The following CEP76 variants were observed in gnomAD, a reference collection of about 807,000 sequenced individuals.
The protein encoded by CEP76 is centrosomal protein 76, also known as centrosomal protein of 76 kDa.
A neutral mutation model predicts 83.3 loss-of-function variants in CEP76; 55 were observed. The ratio of observed to expected loss-of-function variants is 0.66; its 90% CI spans 0.53 to 0.83. CEP76 has a LOEUF of 0.83. Ranked by LOEUF, CEP76 falls within the 40% of genes least tolerant of loss-of-function variation. The probability of loss-of-function intolerance (pLI) is 0.00; values close to 1 mark genes in which losing one functional copy is unlikely to be tolerated. For synonymous variants in CEP76, 270 were observed against 274.5 expected (o/e 0.98, Z 0.16); for missense variants, 694 against 799.5 (o/e 0.87, Z 1.59).
Position 12,673,519 on chromosome 18 carries a change from A to G in CEP76, c.1842-16T>C. The G allele has an allele frequency of 2.6e-6, 4 of 1,548,284 alleles. No individual in the cohort carries two copies. Among genetic ancestry groups the G allele is most frequent in the Non-Finnish European group, 3.5e-6 (4 of 1,151,030 alleles). On this transcript the variant is annotated splice_polypyrimidine_tract_variant and intron_variant, in intron 11 of 11. Transcript: ENST00000262127. ...GAAAGGAGATCTATTTAAGAAAAAA[A>G]AAATTATTCAATTAAGAAGTGACCA...
chr18:12,699,826 A>C lies in CEP76; in HGVS notation c.295+4T>G. On this transcript the variant is annotated splice_donor_region_variant and intron_variant, in intron 3 of 11. Coordinates refer to ENST00000262127, the MANE Select transcript of CEP76 (RefSeq NM_024899.4). ...CAACTAAATTAATGTTAAAATATACATACTTTTTTTTAATGTCGATTGTCT... is the reference window on the plus strand; with the variant it reads ...CAACTAAATTAATGTTAAAATATACCTACTTTTTTTTAATGTCGATTGTCT... 1 of 1,505,348 alleles carries C rather than the reference A, an allele frequency of 6.6e-7. No individual in the cohort carries two copies. Among genetic ancestry groups the C allele is most frequent in the Non-Finnish European group, 9.1e-7 (1 of 1,102,930 alleles). 93.2% of individuals were successfully genotyped at this position (1,505,348 alleles called of 1,614,324 possible).
rs757638844 is a variant in CEP76 at position 12,699,074 on chromosome 18, T to TA, written c.424dup (p.Tyr142LeufsTer9). 1.2e-6 allele frequency: 2 copies of TA among 1,614,128 alleles called. No homozygotes were observed. Among genetic ancestry groups the TA allele is most frequent in the Non-Finnish European group, 1.7e-6 (2 of 1,179,974 alleles). On this transcript the variant is annotated frameshift_variant, in exon 4 of 12. Transcript: ENST00000262127. LOFTEE classifies it high-confidence loss of function. ...TTTAGAACGAAAACGTTGGTTTCGA[T>TA]AATGTAAACATAAAGTAAACGTTGA...
At chr18:12,672,529 A>G (rs1294012946), downstream of CEP76, 2 of 335,168 alleles carry the variant, frequency 6.0e-6, no homozygotes, top group South Asian at 1.2e-4. Flanking sequence ...GATTAGTCAC[A>G]TATATGCTGA....
Position 12,674,670 on chromosome 18 carries a change from T to C in CEP76, c.1707A>G (p.Thr569=). The change falls in exon 11 of 12, where the codon ACA becomes ACG. Residue 569 remains threonine, a synonymous_variant. Transcript: ENST00000262127. ...PALASYEFER[T]TSISAGNEEF... is the part of the protein sequence containing the mutation. ...CTTCATTGCCTGCTGATATACTTGT[T>C]GTACGCTCAAATTCATAAGAAGCCA... 2.5e-6 allele frequency: 4 copies of C among 1,614,152 alleles called. No individual in the cohort carries two copies. The Admixed American group carries it at 5.0e-5, about 20-fold the overall frequency.
intron 10 of CEP76, among the ~76,000 whole-genome samples, chr18:12,676,987 G>C (rs1205284415): frequency 6.6e-6 from 1 of 152,152 alleles, no homozygotes; most frequent in Non-Finnish European, 1.5e-5. Context: ...CTAGTCCTTT[G>C]TTGGTGATAT....
At chr18:12,699,551 T>A (rs1281154980) in intron 3 of CEP76, among the ~76,000 whole-genome samples, 1 of 152,200 alleles carries the variant, frequency 6.6e-6, no homozygotes, top group Non-Finnish European at 1.5e-5. Flanking sequence ...CAAGTGTATT[T>A]GTCAATTATA....
chr18:12,673,504 C>G lies in CEP76; in HGVS notation c.1842-1G>C, dbSNP rs1465438734. 1 of 1,568,010 alleles carries G rather than the reference C, an allele frequency of 6.4e-7. No individual in the cohort carries two copies. The highest frequency in any genetic ancestry group is 2.2e-5 in the Admixed American group (1 of 46,262). The stretch of plus-strand genomic sequence containing the variant: ...GATTATTTCTTCACAGAAAGGAGAT[C>G]TATTTAAGAAAAAAAAAATTATTCA... On this transcript the variant is annotated splice_acceptor_variant, in intron 11 of 11. Coordinates refer to ENST00000262127, the MANE Select transcript of CEP76 (RefSeq NM_024899.4). LOFTEE classifies it high-confidence loss of function.
chr18:12,697,158 TA>T (rs1568031624), intron 5 of CEP76, 64 bp downstream of exon 5: 2 of 1,168,868 alleles, frequency 1.7e-6, no homozygotes, highest in Admixed American at 4.8e-5. Flanking sequence ...TTTAAAGATA[TA>T]AAATATATTT....
chr18:12,697,409 C>T lies in CEP76; in HGVS notation c.521-1G>A. On this transcript the variant is annotated splice_acceptor_variant, in intron 4 of 11. Coordinates refer to ENST00000262127, the MANE Select transcript of CEP76 (RefSeq NM_024899.4). LOFTEE classifies it high-confidence loss of function. ...GAATCAGCCATTCTAGTTCCATCAC[C>T]TAGCAATATAATCCAAACGAAATTA... 9 of 1,600,752 alleles carry T rather than the reference C, an allele frequency of 5.6e-6. No individual in the cohort carries two copies. Among genetic ancestry groups the T allele is most frequent in the Non-Finnish European group, 7.7e-6 (9 of 1,172,176 alleles).
At chr18:12,701,283 T>TA (rs2040141215) in intron 1 of CEP76, among the ~76,000 whole-genome samples, 170 bp from the exon 2 acceptor site, 1 of 152,132 alleles carries the variant, frequency 6.6e-6, no homozygotes, top group South Asian at 2.1e-4. Flanking sequence ...ATTCTAGAAA[T>TA]AGTCTCCACT....
intron 12 of CEP76, among the ~76,000 whole-genome samples, chr18:12,665,821 C>T (rs895206212): frequency 6.6e-6 from 1 of 152,162 alleles, no homozygotes; most frequent in Non-Finnish European, 1.5e-5. Context: ...CCTCAGCCTC[C>T]CGAGTAGCTG....
chr18:12,683,986 AAT>A (rs977564438), intron 8 of CEP76, among the ~76,000 whole-genome samples: 5 of 150,370 alleles, frequency 3.3e-5, no homozygotes, highest in Admixed American at 6.7e-5. Context: ...AAAAAATCTA[AAT>A]ATATATATGA....
At chr18:12,671,289 A>C (rs1568006838), downstream of CEP76, 1 of 152,102 alleles carries the variant, frequency 6.6e-6, no homozygotes, top group African/African-American at 2.4e-5. Flanking sequence ...TTTTCGAAAA[A>C]CGAAATCATT....
intron 12 of CEP76, among the ~76,000 whole-genome samples, chr18:12,665,960 G>A (rs1211346044): frequency 6.6e-6 from 1 of 152,126 alleles, no homozygotes; most frequent in African/African-American, 2.4e-5. Context: ...CTCCCAAAGT[G>A]CTGGGATAAC....
intron 10 of CEP76, among the ~76,000 whole-genome samples, chr18:12,677,470 A>AAAT (rs1289831849): frequency 6.7e-6 from 1 of 150,008 alleles, no homozygotes; most frequent in East Asian, 1.9e-4. Context: ...AAAAAAAAAA[A>AAAT]AAAAAAAAAA....
chr18:12,691,684 T>A (rs35309605), intron 6 of CEP76, among the ~76,000 whole-genome samples, 197 bp from the exon 7 acceptor site: 13,514 of 151,244 alleles, frequency 0.089, 837 homozygotes, highest in Non-Finnish European at 0.13. Context: ...TAATCATAAG[T>A]CACCTTTTTT....
chr18:12,675,851 T>C (rs1388485638), intron 10 of CEP76, among the ~76,000 whole-genome samples: 1 of 151,934 alleles, frequency 6.6e-6, no homozygotes, highest in Non-Finnish European at 1.5e-5. Context: ...GTATTTTTAG[T>C]AGAGACGGGC....
intron 8 of CEP76, among the ~76,000 whole-genome samples, chr18:12,682,804 T>TAG (rs748807419): frequency 2.6e-5 from 4 of 151,504 alleles, no homozygotes. Context: ...GTATTTTTAG[T>TAG]AGAGAGAGAG....
Position 12,673,304 on chromosome 18 carries a change from TAA to T in CEP76, c.*59_*60del. The T allele has an allele frequency of 6.4e-7, 1 of 1,550,882 alleles. No individual in the cohort carries two copies. The highest frequency in any genetic ancestry group is 8.6e-7 in the Non-Finnish European group (1 of 1,157,104). On this transcript the variant is annotated 3_prime_UTR_variant, in exon 12 of 12. Transcript: ENST00000262127. Reference sequence around the variant, plus strand: ...AATAACAAACCTCTAAATAGCTAAGTAATGTACAATGTGTAAAATTCCAATTA... The same window carrying T: ...AATAACAAACCTCTAAATAGCTAAGTTGTACAATGTGTAAAATTCCAATTA...
Sources: gnomAD v4.1 joint callset for allele counts (sites outside exome capture counted in the v4.1 genomes callset) on GRCh38, gnomAD v4.1.1 for gene constraint, MANE v1.5 for transcripts, NCBI Gene and HGNC (gene_info 2026-07-23, HGNC 2026-07-21) for gene names.